The following BICDL1 variants were observed in gnomAD, a reference collection of about 807,000 sequenced individuals.
The protein encoded by BICDL1 is BICD family-like cargo adapter 1.
In BICDL1, 20 loss-of-function variants were observed where a neutral mutation model predicts 76.8. The observed-to-expected ratio is 0.26, with a 90% CI of 0.18 to 0.38. The LOEUF (loss-of-function observed/expected upper bound fraction) is 0.38. Among genes scored for constraint, BICDL1 ranks in the 10% least tolerant of loss-of-function variants. The probability of loss-of-function intolerance (pLI) is 1.00; values close to 1 mark genes in which losing one functional copy is unlikely to be tolerated. For synonymous variants in BICDL1, 383 were observed against 337.1 expected, an observed-to-expected ratio of 1.14 and a Z score of -1.49; for missense variants, 700 against 798.6, an observed-to-expected ratio of 0.88 and a Z score of 1.49.
chr12:120,021,609 AAG>A lies in BICDL1; in HGVS notation c.645+22877_645+22878del, dbSNP rs1475449530. On this transcript the variant is annotated intron_variant, in intron 2 of 9. Coordinates refer to ENST00000548673, the MANE Select transcript of BICDL1 (RefSeq NM_001367886.1). ...CTCAAAAAAAAAAAAAAAAAAAAAA[AAG>A]AGAATCAGCCAGGTGTGGTGGCTCA... Among the ~76,000 whole-genome samples, 14 of 139,346 alleles carry A rather than the reference AAG, an allele frequency of 1.0e-4. No individual in the cohort carries two copies. In the East Asian group the frequency reaches 1.3e-3, roughly 13 times the overall value. 91.4% of individuals were successfully genotyped at this position (139,346 alleles called of 152,430 possible). A position where few individuals can be genotyped will look rare whatever the true frequency, so the allele number is the denominator to read the frequency against.
At chr12:120,030,208 T>G (rs1952394489) in intron 2 of BICDL1, among the ~76,000 whole-genome samples, 1 of 152,180 alleles carries the variant, frequency 6.6e-6, no homozygotes, top group African/African-American at 2.4e-5. Flanking sequence ...CAATACTGTA[T>G]TAGTAACTAT....
chr12:120,027,053 TG>T (rs1952320829), intron 2 of BICDL1, among the ~76,000 whole-genome samples: 6 of 129,136 alleles, frequency 4.6e-5, no homozygotes, highest in African/African-American at 1.9e-4. Flanking sequence ...TTTTTTGAGA[TG>T]GGTTCTTGCA....
intron 2 of BICDL1, chr12:120,057,240 C>T: frequency 2.4e-6 from 1 of 408,972 alleles, no homozygotes; most frequent in South Asian, 1.8e-5. Context: ...GTCTCGAACT[C>T]CTGAGCTCAA....
chr12:120,072,648 T>C lies in BICDL1; in HGVS notation c.1227T>C (p.Asp409=). 1 of 1,614,164 alleles carries C rather than the reference T, an allele frequency of 6.2e-7. No individual in the cohort carries two copies. The highest frequency in any genetic ancestry group is 1.1e-5 in the South Asian group (1 of 91,078). ...CTTCAGAAACCTCGTCCGCCAAGGATGTGCCAGCCGGCAGCTTGCGCACTG... is the reference window on the plus strand; with the variant it reads ...CTTCAGAAACCTCGTCCGCCAAGGACGTGCCAGCCGGCAGCTTGCGCACTG... ...DESSETSSAK[D]VPAGSLRTAL... The change falls in exon 6 of 10, where the codon GAT becomes GAC. Residue 409 remains aspartate, a synonymous_variant. Transcript: ENST00000548673.
intron 4 of BICDL1, among the ~76,000 whole-genome samples, chr12:120,069,708 G>A (rs1435302276): frequency 1.3e-5 from 2 of 151,974 alleles, no homozygotes; most frequent in East Asian, 3.8e-4. Context: ...TCATGAAAAT[G>A]TATATATAGT....
chr12:120,087,605 CT>C (rs1594219849), intron 8 of BICDL1, among the ~76,000 whole-genome samples: 1 of 152,282 alleles, frequency 6.6e-6, no homozygotes, highest in East Asian at 1.9e-4. Context: ...CTTTTGTTAG[CT>C]TTGCTGTTTT....
chr12:120,065,432 G>T (rs926291890), intron 4 of BICDL1, among the ~76,000 whole-genome samples: 1 of 152,100 alleles, frequency 6.6e-6, no homozygotes, highest in Non-Finnish European at 1.5e-5. Flanking sequence ...GAAGGAAATT[G>T]CTTCATGGCC....
Position 119,989,953 on chromosome 12 carries a change from G to A in BICDL1, c.85G>A (p.Ala29Thr). The stretch of plus-strand genomic sequence containing the variant: ...CGCCTGCTGCATGGAGCTGCCCGCC[G>A]CGGCCGGGGACGCAGTCCGGAGTCC... ...DSACCMELPA[A>T]AGDAVRSPAA... Residue 29 changes from alanine (A) to threonine (T), a missense_variant, in exon 1 of 10, where the codon GCG (alanine) becomes ACG (threonine). Ala to Thr is a moderately conservative substitution (Grantham distance 58, BLOSUM62 0). Transcript: ENST00000548673. The A allele has an allele frequency of 6.8e-7, 1 of 1,464,728 alleles. No individual in the cohort carries two copies. The highest frequency in any genetic ancestry group is 2.7e-5 in the East Asian group (1 of 36,792). 90.7% of individuals were successfully genotyped at this position (1,464,728 alleles called of 1,614,324 possible).
chr12:119,990,397 C>T, intron 1 of BICDL1, 100 bp downstream of exon 1: 2 of 1,496,438 alleles, frequency 1.3e-6, no homozygotes, highest in South Asian at 1.3e-5. Flanking sequence ...CTTCGTTGCT[C>T]ACCCTACCTC....
intron 4 of BICDL1, among the ~76,000 whole-genome samples, chr12:120,068,740 CA>C (rs1872850702): frequency 6.6e-6 from 1 of 152,180 alleles, no homozygotes; most frequent in Non-Finnish European, 1.5e-5. Flanking sequence ...TGCTTGAACC[CA>C]GGGGGCAGAG....
chr12:120,018,945 T>C (rs1162217350), intron 2 of BICDL1: 3 of 148,152 alleles, frequency 2.0e-5, no homozygotes, highest in African/African-American at 7.5e-5. Flanking sequence ...CTTGGGAGGC[T>C]GAGGCAGGAG....
chr12:119,992,770 A>C (rs1431212612), intron 1 of BICDL1: 1 of 152,228 alleles, frequency 6.6e-6, no homozygotes, highest in Non-Finnish European at 1.5e-5. Flanking sequence ...GACCAGAAAA[A>C]AAAAATTTAT....
chr12:120,003,610 C>T (rs915725882), intron 2 of BICDL1, among the ~76,000 whole-genome samples: 2 of 152,174 alleles, frequency 1.3e-5, no homozygotes, highest in Non-Finnish European at 2.9e-5. Context: ...ACTCACTTGC[C>T]TAGACACCTA....
chr12:120,018,682 T>C (rs1952114873), intron 2 of BICDL1, among the ~76,000 whole-genome samples: 1 of 46,880 alleles, frequency 2.1e-5, no homozygotes, highest in African/African-American at 1.0e-4. Flanking sequence ...ATCTGGAAAA[T>C]AGGAATTGTT....
chr12:120,051,174 A>G (rs1370923251), intron 2 of BICDL1, among the ~76,000 whole-genome samples: 2 of 152,068 alleles, frequency 1.3e-5, no homozygotes, highest in Admixed American at 6.5e-5. Flanking sequence ...CAGCCTCCCA[A>G]GTAGTTGGGA....
At chr12:120,081,070 T>A in intron 8 of BICDL1, 53 bp downstream of exon 8, 6 of 1,563,198 alleles carry the variant, frequency 3.8e-6, no homozygotes, top group Non-Finnish European at 5.2e-6. Context: ...GTATATAGAA[T>A]TGAGCATATG....
intron 2 of BICDL1, among the ~76,000 whole-genome samples, chr12:120,000,068 A>G (rs1030731509): frequency 3.3e-5 from 5 of 152,212 alleles, no homozygotes; most frequent in Non-Finnish European, 5.9e-5. Context: ...GAGACCAGTG[A>G]AAAAACGTGT....
At chr12:120,050,044 T>C (rs1952823212) in intron 2 of BICDL1, among the ~76,000 whole-genome samples, 1 of 152,198 alleles carries the variant, frequency 6.6e-6, no homozygotes, top group Non-Finnish European at 1.5e-5. Flanking sequence ...AATTTACATT[T>C]CCCTGGTCAC....
Position 120,017,046 on chromosome 12 carries a change from G to A in BICDL1, c.645+18310G>A, listed in dbSNP as rs141021000. On this transcript the variant is annotated intron_variant, in intron 2 of 9. Transcript: ENST00000548673. The stretch of plus-strand genomic sequence containing the variant: ...CGAGTAGCTGGGACTACAGGCACCC[G>A]CCACCACACCCGGCTAATTTTTTGT... Among the ~76,000 whole-genome samples the A allele has an allele frequency of 8.0e-3, 1,219 of 152,104 alleles. 17 individuals are homozygous for A. The highest frequency in any genetic ancestry group is 0.027 in the African/African-American group (1,109 of 41,492).
Sources: allele counts gnomAD v4.1 joint callset (sites outside exome capture counted in the v4.1 genomes callset), GRCh38; gene constraint gnomAD v4.1.1; transcripts MANE v1.5; gene names NCBI Gene and HGNC (gene_info 2026-07-23, HGNC 2026-07-21).